Variants in AMPD1 observed in about 807,000 individuals in gnomAD.
AMPD1 encodes the protein AMP deaminase 1.
AMPD1 carries 74 observed loss-of-function variants against 82.9 expected under a neutral mutation model. That is an observed-to-expected ratio of 0.89 (90% CI 0.74 to 1.08). The LOEUF is 1.08. Ranked by LOEUF, AMPD1 falls within the 50% of genes least tolerant of loss-of-function variation. The pLI is 0.00. For missense variants in AMPD1, 881 were observed against 924.5 expected (o/e 0.95, Z 0.61); for synonymous variants, 333 against 320.5 (o/e 1.04, Z -0.42).
chr1:114,676,060 C>T, intron 10 of AMPD1, 57 bp from the exon 11 acceptor site: 2 of 1,587,090 alleles, frequency 1.3e-6, no homozygotes, highest in Non-Finnish European at 1.7e-6. Flanking sequence ...GACTGATAGC[C>T]CCAGTATGAG....
At chr1:114,687,130 G>A in intron 3 of AMPD1, 1 of 588,272 alleles carries the variant, frequency 1.7e-6, no homozygotes, top group South Asian at 1.8e-5. Context: ...AATGGCCTTA[G>A]CAATCCTACT....
rs886045093 is a variant in AMPD1, at chr1:114,673,211, C to T, written c.2147G>A (p.Arg716Gln). Residue 716 changes from arginine to glutamine, a missense_variant, in exon 16 of 16, where the codon CGG (arginine) becomes CAG (glutamine). Physicochemically the swap from Arg to Gln is conservative, Grantham distance 43 (BLOSUM62 1). Transcript: ENST00000520113. The stretch of plus-strand genomic sequence containing the variant: ...GCGGATTTGGGCTACATTTGTCCTC[C>T]GGATATCATTTCCAGCAGGGCCTTC... The part of the protein sequence containing the change: ...LEEGPAGNDI[R>Q]RTNVAQIRMA... The T allele has an allele frequency of 1.8e-5, 29 of 1,613,978 alleles. No homozygotes were observed. The highest frequency in any genetic ancestry group is 4.0e-5 in the African/African-American group (3 of 74,886).
intron 3 of AMPD1, among the ~76,000 whole-genome samples, chr1:114,688,289 G>T (rs1225360600): frequency 6.6e-6 from 1 of 152,092 alleles, no homozygotes; most frequent in Non-Finnish European, 1.5e-5. Flanking sequence ...CACAGTGCCT[G>T]GCTAATTTTT....
chr1:114,690,686 T>C (rs1178928985), intron 2 of AMPD1, among the ~76,000 whole-genome samples: 1 of 152,124 alleles, frequency 6.6e-6, no homozygotes, highest in Non-Finnish European at 1.5e-5. Flanking sequence ...AGTAAATGCA[T>C]TCGATGGCCT....
intron 2 of AMPD1, chr1:114,688,984 A>G (rs1175344497): frequency 2.8e-6 from 2 of 715,924 alleles, no homozygotes; most frequent in African/African-American, 3.4e-5. Flanking sequence ...GAACAGTCCT[A>G]AAGATGGTCC....
At chr1:114,682,812 T>A (rs1658202158) in intron 5 of AMPD1, among the ~76,000 whole-genome samples, 1 of 152,158 alleles carries the variant, frequency 6.6e-6, no homozygotes, top group South Asian at 2.1e-4. Context: ...TCTCCTGACC[T>A]CGTGATCCGC....
chr1:114,693,164 A>ATAAG lies in AMPD1; in HGVS notation c.34+268_34+271dup, dbSNP rs1312394140. Among the ~76,000 whole-genome samples, 156 of 138,970 alleles carry ATAAG rather than the reference A, an allele frequency of 1.1e-3. 2 individuals carry two copies. Among genetic ancestry groups the ATAAG allele is most frequent in the African/African-American group, 3.0e-3 (115 of 38,130 alleles). The allele number at this position is 138,970 out of a possible 152,430, so 91.2% of individuals were successfully genotyped here. On this transcript the variant is annotated intron_variant, in intron 2 of 15. Transcript: ENST00000520113. ...AATAAATAAATAAATAAATAAATAA[A>ATAAG]TAAGTAAAAGCACTGCATGAGGTTT...
chr1:114,688,770 C>G (rs890071033), intron 2 of AMPD1, 29 bp from the exon 3 acceptor site: 2 of 1,613,370 alleles, frequency 1.2e-6, no homozygotes, highest in Non-Finnish European at 1.7e-6. Flanking sequence ...TATTAGTGTT[C>G]AAGCCCCTTT....
At chr1:114,681,671 G>A in intron 5 of AMPD1, among the ~76,000 whole-genome samples, 1 of 151,736 alleles carries the variant, frequency 6.6e-6, no homozygotes, top group East Asian at 1.9e-4. Flanking sequence ...GGCACAGCCA[G>A]TCTCCACTCT....
intron 5 of AMPD1, among the ~76,000 whole-genome samples, chr1:114,682,965 A>G (rs192150094): frequency 6.6e-6 from 1 of 152,240 alleles, no homozygotes; most frequent in Non-Finnish European, 1.5e-5. Flanking sequence ...GAAGATGTGT[A>G]TATAAAGATG....
intron 6 of AMPD1, 65 bp downstream of exon 6, chr1:114,680,194 G>A (rs1658113930): frequency 3.0e-6 from 4 of 1,337,248 alleles, no homozygotes; most frequent in Non-Finnish European, 4.3e-6. Flanking sequence ...AGTAGAAGTA[G>A]TACTAGTTGT....
intron 9 of AMPD1, 104 bp downstream of exon 9, chr1:114,677,806 C>G (rs1329072428): frequency 2.9e-5 from 15 of 508,634 alleles, no homozygotes; most frequent in Non-Finnish European, 4.4e-5. Flanking sequence ...TCCCTCCTTC[C>G]TTCCTTCCTT....
chr1:114,690,620 C>T (rs1029846087), intron 2 of AMPD1, among the ~76,000 whole-genome samples: 2 of 152,172 alleles, frequency 1.3e-5, no homozygotes, highest in African/African-American at 4.8e-5. Context: ...TCTTTGGATG[C>T]TATAAGTAGT....
chr1:114,687,147 C>A (rs781239432), intron 3 of AMPD1: 4 of 561,644 alleles, frequency 7.1e-6, no homozygotes, highest in Non-Finnish European at 1.3e-5. Context: ...TACTAGAAGA[C>A]CTTCACCATG....
chr1:114,673,376 C>G, intron 15 of AMPD1, 104 bp from the exon 16 acceptor site: 2 of 1,304,396 alleles, frequency 1.5e-6, no homozygotes, highest in Non-Finnish European at 2.2e-6. Flanking sequence ...TAGCCACTGA[C>G]AAAAGAATAA....
rs781026460 is a variant in AMPD1 at position 114,675,617 on chromosome 1, T to C, written c.1592A>G (p.Gln531Arg). The change falls in exon 12 of 16, where the codon CAG becomes CGG. Residue 531 changes from glutamine to arginine, a missense_variant. Transcript: ENST00000520113. The part of the protein sequence containing the change: ...HMFSSKSPKP[Q>R]EWTLEKNPSY... The stretch of plus-strand genomic sequence containing the variant: ...TGGATTCTTTTCCAATGTCCACTCC[T>C]GGGGCTTGGGACTCTTGGAGGAGAA... 1 of 1,614,198 alleles carries C rather than the reference T, an allele frequency of 6.2e-7. No homozygotes were observed. Among genetic ancestry groups the C allele is most frequent in the Non-Finnish European group, 8.5e-7 (1 of 1,180,018 alleles).
At chr1:114,686,951 A>T (rs749889312) in intron 3 of AMPD1, 41 bp from the exon 4 acceptor site, 11 of 1,602,386 alleles carry the variant, frequency 6.9e-6, no homozygotes, top group Non-Finnish European at 9.4e-6. Flanking sequence ...TTTTGTCTTC[A>T]TCAGGCGTTT....
At chr1:114,688,783 A>C (rs775102734) in intron 2 of AMPD1, 42 bp from the exon 3 acceptor site, 2 of 1,609,560 alleles carry the variant, frequency 1.2e-6, no homozygotes, top group African/African-American at 2.7e-5. Context: ...GCCCCTTTTC[A>C]AAAGTCAGCT....
chr1:114,686,619 G>T, intron 4 of AMPD1, 126 bp downstream of exon 4: 1 of 940,512 alleles, frequency 1.1e-6, no homozygotes, highest in East Asian at 2.6e-5. Context: ...ATGCAATAAT[G>T]AAGTGTAACA....
Sources: gnomAD v4.1 joint callset for allele counts (sites outside exome capture counted in the v4.1 genomes callset) on GRCh38, gnomAD v4.1.1 for gene constraint, MANE v1.5 for transcripts, NCBI Gene and HGNC (gene_info 2026-07-23, HGNC 2026-07-21) for gene names.